Variants in ANKRD13C observed in about 807,000 individuals in gnomAD.
ANKRD13C encodes the protein ankyrin repeat domain 13C, also known as ankyrin repeat domain-containing protein 13C.
In ANKRD13C, 16 loss-of-function variants were observed where a neutral mutation model predicts 65.5. The ratio of observed to expected loss-of-function variants is 0.24; its 90% CI spans 0.17 to 0.37. ANKRD13C has a LOEUF of 0.37. Among genes scored for constraint, ANKRD13C ranks in the 10% least tolerant of loss-of-function variants. ANKRD13C has a pLI of 1.00. For synonymous variants in ANKRD13C, 235 were observed against 238.7 expected (o/e 0.98, Z 0.14); for missense variants, 503 against 655.9 (o/e 0.77, Z 2.55).
rs56798102 is a variant in ANKRD13C, at chr1:70,264,407, C to T, written c.1496-1560G>A. Among the ~76,000 whole-genome samples the T allele has an allele frequency of 1.0e-2, 1,331 of 133,232 alleles. 17 individuals are homozygous for T. Among genetic ancestry groups the T allele is most frequent in the African/African-American group, 0.033 (1,170 of 35,998 alleles). The allele number at this position is 133,232 out of a possible 152,430, so 87.4% of individuals were successfully genotyped here. Reference sequence around the variant, plus strand: ...GGGAGAATCGCTTGAACCCAGGAGGCGGAGGTTGCAGTGAGCCAAGATTGC... The same window carrying T: ...GGGAGAATCGCTTGAACCCAGGAGGTGGAGGTTGCAGTGAGCCAAGATTGC... On this transcript the variant is annotated intron_variant, in intron 12 of 12. Coordinates refer to ENST00000370944, the MANE Select transcript of ANKRD13C (RefSeq NM_030816.5).
At chr1:70,271,007 G>T in intron 11 of ANKRD13C, 51 bp from the exon 12 acceptor site, 1 of 1,176,080 alleles carries the variant, frequency 8.5e-7, no homozygotes, top group Non-Finnish European at 1.2e-6. Flanking sequence ...ATTGCCTTGT[G>T]TCCTTATGCT....
At chr1:70,281,396 C>CTTTTTTTTT (rs71583111) in intron 9 of ANKRD13C, among the ~76,000 whole-genome samples, 2 of 85,340 alleles carry the variant, frequency 2.3e-5, no homozygotes, top group African/African-American at 4.4e-5. Context: ...TGACTAAATT[C>CTTTTTTTTT]TTTTTTTTTT....
intron 9 of ANKRD13C, among the ~76,000 whole-genome samples, chr1:70,285,759 C>T (rs1321361940): frequency 6.6e-6 from 1 of 151,486 alleles, no homozygotes. Flanking sequence ...TCCAGAGTAG[C>T]TGGAATTACA....
intron 5 of ANKRD13C, among the ~76,000 whole-genome samples, chr1:70,309,047 CTTT>C (rs35526526): frequency 7.2e-6 from 1 of 137,964 alleles, no homozygotes. Context: ...TCTTTCTTTC[CTTT>C]TTTTTTTTTT....
At chr1:70,285,283 C>T (rs1406588935) in intron 9 of ANKRD13C, among the ~76,000 whole-genome samples, 1 of 151,012 alleles carries the variant, frequency 6.6e-6, no homozygotes, top group Non-Finnish European at 1.5e-5. Context: ...ACCTCTGCCC[C>T]CTGGGTTCAA....
chr1:70,268,104 G>C (rs987862726), intron 12 of ANKRD13C, among the ~76,000 whole-genome samples: 7 of 152,092 alleles, frequency 4.6e-5, no homozygotes, highest in African/African-American at 1.7e-4. Flanking sequence ...TAACAACTGA[G>C]AGGAAAAATG....
intron 1 of ANKRD13C, among the ~76,000 whole-genome samples, chr1:70,336,566 T>C (rs4650039): frequency 0.97 from 147,174 of 152,224 alleles, 71,314 homozygotes; most frequent in East Asian, 1. Flanking sequence ...GTAGAACATA[T>C]GGCAGAGCTC....
At chr1:70,344,704 T>C (rs1682454545) in intron 1 of ANKRD13C, among the ~76,000 whole-genome samples, 1 of 152,104 alleles carries the variant, frequency 6.6e-6, no homozygotes, top group Non-Finnish European at 1.5e-5. Context: ...AAATTTATAT[T>C]CTTTTTACTG....
intron 2 of ANKRD13C, among the ~76,000 whole-genome samples, chr1:70,330,358 G>A (rs928139476): frequency 6.6e-6 from 1 of 152,030 alleles, no homozygotes; most frequent in Non-Finnish European, 1.5e-5. Flanking sequence ...CGGGGTTTGA[G>A]ACCTGTCTGG....
chr1:70,265,236 G>C (rs1364229336), intron 12 of ANKRD13C, among the ~76,000 whole-genome samples: 1 of 152,140 alleles, frequency 6.6e-6, no homozygotes, highest in Non-Finnish European at 1.5e-5. Context: ...AGAGTGAAGA[G>C]GGAGATGTGC....
At chr1:70,352,166 C>T (rs1682768041) in intron 1 of ANKRD13C, among the ~76,000 whole-genome samples, 2 of 151,662 alleles carry the variant, frequency 1.3e-5, no homozygotes, top group Admixed American at 1.3e-4. Flanking sequence ...AGTGAAACCC[C>T]GTCTCTACTA....
chr1:70,332,410 G>A (rs1274892556), intron 2 of ANKRD13C, among the ~76,000 whole-genome samples: 1 of 152,120 alleles, frequency 6.6e-6, no homozygotes. Context: ...AACTAATGTG[G>A]TTTTTCTCCT....
chr1:70,351,000 A>C (rs911155532), intron 1 of ANKRD13C, among the ~76,000 whole-genome samples: 5 of 152,186 alleles, frequency 3.3e-5, no homozygotes, highest in Non-Finnish European at 5.9e-5. Context: ...GTCTCTACTT[A>C]AAATACAAAA....
At position 70,283,147 on chromosome 1, in the gene ANKRD13C, A is replaced by G. The variant is rs1481395509; in HGVS notation, c.1216-6303T>C. Among the ~76,000 whole-genome samples, 6 of 152,050 alleles carry G rather than the reference A, an allele frequency of 3.9e-5. No homozygotes were observed. The South Asian group carries it at 1.2e-3, about 31-fold the overall frequency. On this transcript the variant is annotated intron_variant, in intron 9 of 12. Coordinates refer to ENST00000370944, the MANE Select transcript of ANKRD13C (RefSeq NM_030816.5). Reference sequence around the variant, plus strand: ...TAGTTTAAGTTTAAATTAGTCCTTTATTTTTTTCAAGGAATCCCAAATAGA... The same window carrying G: ...TAGTTTAAGTTTAAATTAGTCCTTTGTTTTTTTCAAGGAATCCCAAATAGA...
chr1:70,347,433 G>A (rs556000991), intron 1 of ANKRD13C, among the ~76,000 whole-genome samples: 22 of 152,190 alleles, frequency 1.4e-4, no homozygotes, highest in African/African-American at 3.4e-4. Flanking sequence ...CTATCCTACC[G>A]AAAACTCAAT....
chr1:70,304,049 T>C (rs566791035), intron 6 of ANKRD13C, among the ~76,000 whole-genome samples: 2 of 151,826 alleles, frequency 1.3e-5, no homozygotes, highest in African/African-American at 4.8e-5. Context: ...TTTTAACTTT[T>C]GTGTGTGTGT....
At chr1:70,331,435 C>G (rs1050630880) in intron 2 of ANKRD13C, among the ~76,000 whole-genome samples, 1 of 150,508 alleles carries the variant, frequency 6.6e-6, no homozygotes, top group Non-Finnish European at 1.5e-5. Flanking sequence ...GTAACACACA[C>G]CTGTAATCCC....
chr1:70,297,585 C>T (rs1313521870), intron 7 of ANKRD13C, among the ~76,000 whole-genome samples: 1 of 148,900 alleles, frequency 6.7e-6, no homozygotes, highest in African/African-American at 2.5e-5. Flanking sequence ...AGCCACCGTG[C>T]CCAGCCCATA....
chr1:70,279,967 C>T (rs1190396550), intron 9 of ANKRD13C, among the ~76,000 whole-genome samples: 3 of 151,944 alleles, frequency 2.0e-5, no homozygotes, highest in Non-Finnish European at 4.4e-5. Flanking sequence ...ATAATGGAGG[C>T]CAAAAGAAAA....
Sources: gnomAD v4.1 joint callset for allele counts (sites outside exome capture counted in the v4.1 genomes callset) on GRCh38, gnomAD v4.1.1 for gene constraint, MANE v1.5 for transcripts, NCBI Gene and HGNC (gene_info 2026-07-23, HGNC 2026-07-21) for gene names.